Variants in CSMD1 observed in about 807,000 individuals in gnomAD.
CSMD1 encodes the protein CUB and Sushi multiple domains 1.
In CSMD1, 213 loss-of-function variants were observed where a neutral mutation model predicts 417.5. The ratio of observed to expected loss-of-function variants is 0.51; its 90% CI spans 0.46 to 0.57. CSMD1 has a LOEUF of 0.57. CSMD1 is among the 20% of genes least tolerant of loss of function. CSMD1 has a pLI of 0.00. For synonymous variants in CSMD1, 2,862 were observed against 1,736.8 expected (o/e 1.65, Z -16.11); for missense variants, 6,923 against 4,529.7 (o/e 1.53, Z -15.17).
chr8:4,628,417 T>C (rs868021657), intron 2 of CSMD1, among the ~76,000 whole-genome samples: 3 of 124,050 alleles, frequency 2.4e-5, no homozygotes, highest in African/African-American at 5.9e-5. Flanking sequence ...CACATATATA[T>C]ACATATATAT....
At chr8:4,431,455 G>A (rs781037033) in intron 2 of CSMD1, among the ~76,000 whole-genome samples, 7 of 152,070 alleles carry the variant, frequency 4.6e-5, no homozygotes, top group Non-Finnish European at 1.0e-4. Flanking sequence ...CACACAGTCA[G>A]GAGAGGAGGG....
intron 2 of CSMD1, among the ~76,000 whole-genome samples, chr8:4,546,647 T>G (rs1172138627): frequency 6.6e-6 from 1 of 152,088 alleles, no homozygotes; most frequent in Non-Finnish European, 1.5e-5. Context: ...CTTGGCTGAG[T>G]TACGCCAATG....
intron 3 of CSMD1, among the ~76,000 whole-genome samples, chr8:4,291,078 T>C (rs1177617122): frequency 1.3e-5 from 2 of 152,190 alleles, no homozygotes; most frequent in African/African-American, 4.8e-5. Context: ...GAATTTCCTG[T>C]TTTATTTTGT....
At chr8:3,249,279 C>A (rs535725887) in intron 26 of CSMD1, among the ~76,000 whole-genome samples, 2 of 151,980 alleles carry the variant, frequency 1.3e-5, no homozygotes, top group African/African-American at 4.8e-5. Flanking sequence ...TGGAGTGCAG[C>A]GGCGTGATCT....
At chr8:3,510,096 A>G (rs1403230623) in intron 10 of CSMD1, among the ~76,000 whole-genome samples, 1 of 152,164 alleles carries the variant, frequency 6.6e-6, no homozygotes, top group Admixed American at 6.5e-5. Flanking sequence ...GAGAAAGTAA[A>G]TGATTCCAGC....
intron 8 of CSMD1, among the ~76,000 whole-genome samples, chr8:3,612,726 G>A (rs529305832): frequency 5.8e-4 from 88 of 152,152 alleles, no homozygotes; most frequent in African/African-American, 2.0e-3. Flanking sequence ...AATTCAAGCT[G>A]CAGGAAAATG....
At chr8:3,764,522 C>T (rs529485364) in intron 5 of CSMD1, among the ~76,000 whole-genome samples, 91 of 152,212 alleles carry the variant, frequency 6.0e-4, no homozygotes, top group African/African-American at 9.9e-4. Context: ...GGATGTCACA[C>T]CTGAGACATC....
intron 1 of CSMD1, among the ~76,000 whole-genome samples, chr8:4,669,467 G>C (rs1218035574): frequency 6.6e-6 from 1 of 152,158 alleles, no homozygotes; most frequent in Admixed American, 6.5e-5. Context: ...TTGGAACTCA[G>C]GATGTGGACA....
At chr8:4,175,680 T>A (rs1311412986) in intron 3 of CSMD1, among the ~76,000 whole-genome samples, 1 of 152,068 alleles carries the variant, frequency 6.6e-6, no homozygotes, top group Non-Finnish European at 1.5e-5. Context: ...AAACTACATA[T>A]ACATAATGTC....
chr8:3,241,180 T>G (rs1450175399), intron 26 of CSMD1, among the ~76,000 whole-genome samples: 1 of 151,636 alleles, frequency 6.6e-6, no homozygotes, highest in Middle Eastern at 3.4e-3. Flanking sequence ...AGTTAAAGTG[T>G]CTCGGCCTAA....
intron 46 of CSMD1, among the ~76,000 whole-genome samples, chr8:3,101,594 T>G (rs972284907): frequency 1.3e-5 from 2 of 151,646 alleles, no homozygotes; most frequent in African/African-American, 2.4e-5. Context: ...GGCTAATTTT[T>G]TTTTGTATTT....
At chr8:3,308,538 C>G (rs755896247) in intron 23 of CSMD1, 35 bp from the exon 24 acceptor site, 3 of 1,541,724 alleles carry the variant, frequency 1.9e-6, no homozygotes, top group Non-Finnish European at 2.7e-6. Flanking sequence ...GAACAGAACT[C>G]AAGGGTGGAC....
chr8:4,000,381 T>A (rs1025493013), intron 4 of CSMD1, among the ~76,000 whole-genome samples: 5 of 152,224 alleles, frequency 3.3e-5, no homozygotes, highest in African/African-American at 1.2e-4. Flanking sequence ...CAGTTCCCTG[T>A]CAAAATTGTA....
At chr8:4,325,273 C>A (rs180937051) in intron 3 of CSMD1, among the ~76,000 whole-genome samples, 93 of 152,300 alleles carry the variant, frequency 6.1e-4, no homozygotes, top group Admixed American at 9.8e-4. Flanking sequence ...TGTTCCTCCC[C>A]ACTAACCAAG....
intron 37 of CSMD1, among the ~76,000 whole-genome samples, chr8:3,166,602 A>G (rs1454171019): frequency 6.6e-6 from 1 of 152,184 alleles, no homozygotes; most frequent in African/African-American, 2.4e-5. Flanking sequence ...AGTGTTTTAG[A>G]AGAACGATGT....
chr8:4,318,239 A>G (rs1372087286), intron 3 of CSMD1, among the ~76,000 whole-genome samples: 3 of 152,104 alleles, frequency 2.0e-5, no homozygotes, highest in Admixed American at 1.3e-4. Flanking sequence ...TTGTCACTGT[A>G]GAAAGAAATG....
chr8:3,497,658 G>C (rs944658981), intron 10 of CSMD1, among the ~76,000 whole-genome samples: 1 of 152,168 alleles, frequency 6.6e-6, no homozygotes, highest in African/African-American at 2.4e-5. Context: ...ACTATCTCTT[G>C]TAATGTCTTC....
intron 1 of CSMD1, among the ~76,000 whole-genome samples, chr8:4,751,456 C>G (rs1011278813): frequency 6.6e-6 from 1 of 152,058 alleles, no homozygotes; most frequent in Non-Finnish European, 1.5e-5. Context: ...CTCAGTAGTT[C>G]ATTACCCTAA....
chr8:4,540,214 T>A (rs972589478), intron 2 of CSMD1, among the ~76,000 whole-genome samples: 1 of 152,210 alleles, frequency 6.6e-6, no homozygotes, highest in East Asian at 1.9e-4. Flanking sequence ...TGCTTTAAAC[T>A]GCTGCTGGTT....
Sources: gnomAD v4.1 joint callset for allele counts (sites outside exome capture counted in the v4.1 genomes callset) on GRCh38, gnomAD v4.1.1 for gene constraint, MANE v1.5 for transcripts, NCBI Gene and HGNC (gene_info 2026-07-23, HGNC 2026-07-21) for gene names.